CPSF2: variants seen among roughly 807,000 people sequenced by gnomAD.
CPSF2 encodes cleavage and polyadenylation specificity factor subunit 2.
In CPSF2, 51 loss-of-function variants were observed where a neutral mutation model predicts 84.2. The observed-to-expected ratio is 0.61, with a 90% CI of 0.48 to 0.77. CPSF2 has a LOEUF of 0.77. Among genes scored for constraint, CPSF2 ranks in the 30% least tolerant of loss-of-function variants. The pLI is 0.00. For synonymous variants in CPSF2, 286 were observed against 311.9 expected (o/e 0.92, Z 0.87); for missense variants, 641 against 929.4 (o/e 0.69, Z 4.03).
rs2069465824 is a variant in CPSF2, at chr14:92,167,648, ATGGCAGCTGTTATTTAGGACAG to A, written c.*5910_*5931del. The A allele has an allele frequency of 6.6e-6, 1 of 152,184 alleles. No individual in the cohort carries two copies. Among genetic ancestry groups the A allele is most frequent in the Non-Finnish European group, 1.5e-5 (1 of 68,038 alleles). The allele number at this position is 152,184 out of a possible 1,614,324, so 9.4% of individuals were successfully genotyped here. ...TATGTTCAGTTTATCTTCTCTAAGA[ATGGCAGCTGTTATTTAGGACAG>A]TGGCATGCTGAGAAATAGATTGATT... On this transcript the variant is annotated 3_prime_UTR_variant, in exon 16 of 16. Transcript: ENST00000298875.
chr14:92,135,794 C>G (rs111728377), intron 6 of CPSF2, among the ~76,000 whole-genome samples: 18 of 152,200 alleles, frequency 1.2e-4, no homozygotes, highest in African/African-American at 3.9e-4. Context: ...TGTTCTTGAC[C>G]TGCTATTTAA....
At chr14:92,135,535 G>A (rs1259294913) in intron 6 of CPSF2, 39 bp downstream of exon 6, 2 of 1,545,140 alleles carry the variant, frequency 1.3e-6, no homozygotes, top group Non-Finnish European at 1.7e-6. Flanking sequence ...CAATGCAATT[G>A]GTATTATTTT....
chr14:92,157,214 TAATAC>T lies in CPSF2; in HGVS notation c.1596-443_1596-439del, dbSNP rs955658070. 6.6e-6 allele frequency among the ~76,000 whole-genome samples: 1 copy of T among 152,086 alleles called. No homozygotes were observed. Among genetic ancestry groups the T allele is most frequent in the Non-Finnish European group, 1.5e-5 (1 of 68,004 alleles). On this transcript the variant is annotated intron_variant, in intron 12 of 15. Transcript: ENST00000298875. The surrounding 1 kb of genome is among the most constrained non-coding windows in gnomAD (Gnocchi z 4.0). ...TTTTTGGGTGTAGATAAAATCTAAA[TAATAC>T]AGATAGGGCCGGGCACGGTGGCTGA...
In CPSF2 at chr14:92,155,340, A is replaced by G. The variant is rs745932703; in HGVS notation, c.1442+17A>G. 90 of 1,585,306 alleles carry G rather than the reference A, an allele frequency of 5.7e-5. No individual in the cohort carries two copies. In the Middle Eastern group the frequency reaches 6.7e-4, roughly 12 times the overall value. On this transcript the variant is annotated intron_variant, in intron 11 of 15. Transcript: ENST00000298875. ...GATTATCAAGTATGTGAGCAAAACA[A>G]ACTTTTCTCTCTTACAAATTGGAGG... is the stretch of plus-strand genomic sequence containing the variant.
chr14:92,140,928 C>T (rs578215160), intron 7 of CPSF2, among the ~76,000 whole-genome samples: 2 of 151,998 alleles, frequency 1.3e-5, no homozygotes, highest in African/African-American at 4.8e-5. Context: ...AACAAACAAA[C>T]TGAAAAACAA....
intron 9 of CPSF2, among the ~76,000 whole-genome samples, chr14:92,151,779 G>A (rs2069221660): frequency 6.6e-6 from 1 of 152,122 alleles, no homozygotes; most frequent in South Asian, 2.1e-4. Context: ...GCTCATGACT[G>A]TAATCCCAGC....
Position 92,122,104 on chromosome 14 carries a change from A to G in CPSF2, c.-118A>G, listed in dbSNP as rs2068776500. ...GCCTAGGGGTTGGGAAGGGCTGTGG[A>G]CGGCGTTGGGGGAGGCCTGACGAGG... is the stretch of plus-strand genomic sequence containing the variant. On this transcript the variant is annotated 5_prime_UTR_variant, in exon 1 of 16. Coordinates refer to ENST00000298875, the MANE Select transcript of CPSF2 (RefSeq NM_017437.3). 1 of 436,100 alleles carries G rather than the reference A, an allele frequency of 2.3e-6. No individual in the cohort carries two copies. Among genetic ancestry groups the G allele is most frequent in the East Asian group, 4.8e-5 (1 of 20,700 alleles). The allele number at this position is 436,100 out of a possible 1,614,324, so 27.0% of individuals were successfully genotyped here.
At position 92,161,243 on chromosome 14, in the gene CPSF2, C is replaced by T. The variant is rs762754171; in HGVS notation, c.2253C>T (p.Arg751=). ...VLVCNNQVAV[R]RTETGRIGLE... is the part of the protein sequence containing the mutation. ...TTTGCAACAATCAAGTAGCAGTCCG[C>T]AGAGTAAGTGTGTTTTCAATAAGGG... Residue 751 remains arginine, a synonymous_variant, in exon 15 of 16, where the codon CGC becomes CGT. Coordinates refer to ENST00000298875, the MANE Select transcript of CPSF2 (RefSeq NM_017437.3). The T allele has an allele frequency of 5.6e-5, 90 of 1,610,716 alleles. No individual in the cohort carries two copies. Among genetic ancestry groups the T allele is most frequent in the Admixed American group, 1.0e-4 (6 of 59,100 alleles).
At chr14:92,142,857 G>A in intron 8 of CPSF2, 147 bp from the exon 9 acceptor site, 2 of 699,706 alleles carry the variant, frequency 2.9e-6, no homozygotes, top group Non-Finnish European at 4.6e-6. Context: ...GGAAATGGAA[G>A]CAGAAAATAA....
In CPSF2 at chr14:92,162,823, T is replaced by C. The variant is rs1016416632; in HGVS notation, c.*1079T>C. 6.6e-6 allele frequency: 1 copy of C among 152,242 alleles called. No homozygotes were observed. Among genetic ancestry groups the C allele is most frequent in the African/African-American group, 2.4e-5 (1 of 41,462 alleles). The allele number at this position is 152,242 out of a possible 1,614,324, so 9.4% of individuals were successfully genotyped here. ...CATTGAACTTAAAGAGTGAAAACCA[T>C]GTAAACTATTGAAACTATTGTAATC... On this transcript the variant is annotated 3_prime_UTR_variant, in exon 16 of 16. Transcript: ENST00000298875.
intron 2 of CPSF2, among the ~76,000 whole-genome samples, chr14:92,130,283 TGA>T (rs2068899768): frequency 6.6e-6 from 1 of 151,574 alleles, no homozygotes; most frequent in African/African-American, 2.4e-5. Context: ...TTGAGTGTGT[TGA>T]GAGTTGGTGG....
At chr14:92,150,126 A>ATTTTTTTT (rs34334559) in intron 9 of CPSF2, among the ~76,000 whole-genome samples, 1 of 147,912 alleles carries the variant, frequency 6.8e-6, no homozygotes, top group African/African-American at 2.5e-5. Context: ...TTTTGTTGGT[A>ATTTTTTTT]TTTTTTTTTT....
chr14:92,145,374 A>G (rs974444757), intron 9 of CPSF2, among the ~76,000 whole-genome samples: 1 of 152,100 alleles, frequency 6.6e-6, no homozygotes, highest in African/African-American at 2.4e-5. Context: ...CCACCTTCCA[A>G]AGTGCTGGGA....
intron 3 of CPSF2, among the ~76,000 whole-genome samples, chr14:92,133,447 C>T (rs1160301134): frequency 1.4e-5 from 2 of 138,544 alleles, no homozygotes; most frequent in African/African-American, 2.8e-5. Flanking sequence ...TTACTTGTGT[C>T]TACTGTTCTT....
chr14:92,136,801 G>A (rs1417867804), intron 6 of CPSF2, among the ~76,000 whole-genome samples: 1 of 152,086 alleles, frequency 6.6e-6, no homozygotes, highest in East Asian at 1.9e-4. Context: ...TGGTATTGAA[G>A]GATTCAACCA....
At chr14:92,150,805 A>G (rs2069205499) in intron 9 of CPSF2, among the ~76,000 whole-genome samples, 1 of 152,164 alleles carries the variant, frequency 6.6e-6, no homozygotes, top group East Asian at 1.9e-4. Flanking sequence ...AAATTAATAC[A>G]TTGAGCCTGT....
chr14:92,157,821 T>TA lies in CPSF2; in HGVS notation c.1761dup (p.Val588SerfsTer8). ...GTCGCGCCTTTGGTGGGAAAGATAT[T>TA]AAAGTGTACATGCCAAAGCTACATG... On this transcript the variant is annotated frameshift_variant, in exon 13 of 16. Coordinates refer to ENST00000298875, the MANE Select transcript of CPSF2 (RefSeq NM_017437.3). LOFTEE classifies it high-confidence loss of function. The surrounding 1 kb of genome is among the most constrained non-coding windows in gnomAD (Gnocchi z 4.0). The TA allele has an allele frequency of 1.9e-6, 3 of 1,614,148 alleles. No homozygotes were observed. Among genetic ancestry groups the TA allele is most frequent in the Non-Finnish European group, 2.5e-6 (3 of 1,180,010 alleles).
chr14:92,137,375 A>G (rs962634439), intron 6 of CPSF2, among the ~76,000 whole-genome samples: 9 of 152,000 alleles, frequency 5.9e-5, no homozygotes, highest in African/African-American at 2.2e-4. Context: ...ATGCCTGGCT[A>G]TTTTTGTAAT....
chr14:92,159,387 G>A (rs1337940249), intron 14 of CPSF2, 105 bp downstream of exon 14: 14 of 830,396 alleles, frequency 1.7e-5, no homozygotes, highest in Non-Finnish European at 2.7e-5. Context: ...GTGGGTCTGT[G>A]GAACCTTTTA....
Sources: allele counts gnomAD v4.1 joint callset (sites outside exome capture counted in the v4.1 genomes callset), GRCh38; gene constraint gnomAD v4.1.1; non-coding constraint Gnocchi (gnomAD v3.1); transcripts MANE v1.5; gene names NCBI Gene and HGNC (gene_info 2026-07-23, HGNC 2026-07-21).